Variants in TMPRSS2 observed in about 807,000 individuals in gnomAD.
TMPRSS2 encodes the protein transmembrane serine protease 2.
A neutral mutation model predicts 67.4 loss-of-function variants in TMPRSS2; 59 were observed. The observed-to-expected ratio is 0.88, with a 90% CI of 0.71 to 1.09. The LOEUF (loss-of-function observed/expected upper bound fraction) is 1.09, where lower values mean the gene tolerates loss of function less well. Ranked by LOEUF, TMPRSS2 falls within the 50% of genes least tolerant of loss-of-function variation. TMPRSS2 has a pLI of 0.00. For synonymous variants in TMPRSS2, 257 were observed against 257.0 expected, an observed-to-expected ratio of 1.00 and a Z score of 0.00; for missense variants, 668 against 642.7, an observed-to-expected ratio of 1.04 and a Z score of -0.43.
intron 7 of TMPRSS2, among the ~76,000 whole-genome samples, chr21:41,477,717 G>GAA (rs1432907786): frequency 6.6e-6 from 1 of 152,088 alleles, no homozygotes; most frequent in Non-Finnish European, 1.5e-5. Flanking sequence ...TCCCCTTTAA[G>GAA]AGAAGACATT....
chr21:41,486,440 T>C (rs383510), intron 5 of TMPRSS2: 86,775 of 151,984 alleles, frequency 0.57, 25,173 homozygotes, highest in East Asian at 0.66. Flanking sequence ...GCTGGGACTA[T>C]AGGCCCGCAC....
At chr21:41,477,108 T>A (rs1318361598) in intron 7 of TMPRSS2, among the ~76,000 whole-genome samples, 2 of 152,168 alleles carry the variant, frequency 1.3e-5, no homozygotes, top group Non-Finnish European at 2.9e-5. Flanking sequence ...AGGTTATGGA[T>A]GAAGAGGAAG....
Position 41,478,470 on chromosome 21 carries a change from C to G in TMPRSS2, c.683+702G>C, listed in dbSNP as rs2091232755. 6.6e-6 allele frequency among the ~76,000 whole-genome samples: 1 copy of G among 152,220 alleles called. No individual in the cohort carries two copies. ...ATCTTTCACATCAGAAAACACATAA[C>G]AGCAACAATCATAGCAAGTCTGCAA... is the stretch of plus-strand genomic sequence containing the variant. On this transcript the variant is annotated intron_variant, in intron 7 of 13. Transcript: ENST00000332149. The surrounding 1 kb of genome is among the most constrained non-coding windows in gnomAD (Gnocchi z 4.0).
At chr21:41,500,029 TTCC>T (rs1294273348) in intron 1 of TMPRSS2, among the ~76,000 whole-genome samples, 1 of 152,138 alleles carries the variant, frequency 6.6e-6, no homozygotes, top group Non-Finnish European at 1.5e-5. Context: ...AGAAGAATAT[TTCC>T]CAGTTGCTGG....
At chr21:41,485,695 C>T (rs903396945) in intron 5 of TMPRSS2, among the ~76,000 whole-genome samples, 2 of 151,720 alleles carry the variant, frequency 1.3e-5, no homozygotes, top group Admixed American at 6.6e-5. Flanking sequence ...AGCCATTCCA[C>T]GTGCTATCTT....
At chr21:41,494,268 C>A in intron 3 of TMPRSS2, 88 bp downstream of exon 3, 1 of 1,384,164 alleles carries the variant, frequency 7.2e-7, no homozygotes, top group Non-Finnish European at 1.0e-6. Context: ...GAGGTGGCGA[C>A]AGTGGTGTTG....
intron 4 of TMPRSS2, 68 bp from the exon 5 acceptor site, chr21:41,488,581 A>C: frequency 6.6e-7 from 1 of 1,516,390 alleles, no homozygotes; most frequent in Non-Finnish European, 9.0e-7. Flanking sequence ...TGGAGTGAGG[A>C]ACACCGTGGC....
Position 41,471,921 on chromosome 21 carries a change from C to T in TMPRSS2, c.960G>A (p.Met320Ile). 1 of 1,613,322 alleles carries T rather than the reference C, an allele frequency of 6.2e-7. No homozygotes were observed. The highest frequency in any genetic ancestry group is 1.7e-5 in the Admixed American group (1 of 59,964). ...CTACTTGGTATCCGGCTCCATAGAACATGAAAGATTGTCTCAAAATCCCCG... is the reference window on the plus strand; with the variant it reads ...CTACTTGGTATCCGGCTCCATAGAATATGAAAGATTGTCTCAAAATCCCCG... ...AFAGILRQSF[M>I]FYGAGYQVEK... The change falls in exon 10 of 14, where the codon ATG (methionine) becomes ATA (isoleucine). Residue 320 changes from methionine (M) to isoleucine (I), a missense_variant. Transcript: ENST00000332149.
chr21:41,500,776 T>C (rs1292136117), intron 1 of TMPRSS2, among the ~76,000 whole-genome samples: 1 of 152,212 alleles, frequency 6.6e-6, no homozygotes, highest in Non-Finnish European at 1.5e-5. Flanking sequence ...TCAAAAACGT[T>C]TAAGCCTTTT....
At chr21:41,480,636 T>C (rs1282617069) in intron 5 of TMPRSS2, 34 bp from the exon 6 acceptor site, 2 of 1,605,124 alleles carry the variant, frequency 1.2e-6, no homozygotes, top group South Asian at 1.1e-5. Context: ...ATGAGTTTCT[T>C]TCTTTTTTTT....
chr21:41,498,218 A>T, intron 1 of TMPRSS2, 29 bp from the exon 2 acceptor site: 6 of 1,431,656 alleles, frequency 4.2e-6, no homozygotes, highest in Non-Finnish European at 5.9e-6. Flanking sequence ...GGACTGTAAT[A>T]TTTCCATACC....
rs764043495 is a variant in TMPRSS2 at position 41,480,499 on chromosome 21, C to T, written c.549G>A (p.Ala183=). ...ACTTATAGCCCATGTCCCTGCAGGC[C>T]GCCCGCCCGTAGTTCTCGTTCCAGT... ...QDDWNENYGR[A]ACRDMGYKNN... is the part of the protein sequence containing the mutation. The change falls in exon 6 of 14, where the codon GCG becomes GCA. Residue 183 remains alanine, a synonymous_variant. Transcript: ENST00000332149. 14 of 1,613,536 alleles carry T rather than the reference C, an allele frequency of 8.7e-6. No homozygotes were observed. The highest frequency in any genetic ancestry group is 6.7e-5 in the Admixed American group (4 of 60,008).
chr21:41,501,298 G>C (rs1291013069), intron 1 of TMPRSS2, among the ~76,000 whole-genome samples: 1 of 152,176 alleles, frequency 6.6e-6, no homozygotes, highest in Non-Finnish European at 1.5e-5. Context: ...GAAGACCAGA[G>C]TGATGCTGCC....
At chr21:41,487,415 G>C (rs2091306683) in intron 5 of TMPRSS2, 1 of 152,160 alleles carries the variant, frequency 6.6e-6, no homozygotes, top group Non-Finnish European at 1.5e-5. Flanking sequence ...GGGAGATGTT[G>C]GTCAGAGGTC....
chr21:41,475,447 G>T (rs1238689070), intron 8 of TMPRSS2, among the ~76,000 whole-genome samples: 2 of 33,578 alleles, frequency 6.0e-5, no homozygotes, highest in Non-Finnish European at 1.1e-4. Context: ...TGAGTGAGGG[G>T]GTGCAGGGGT....
intron 2 of TMPRSS2, among the ~76,000 whole-genome samples, chr21:41,497,516 T>C (rs779432088): frequency 3.3e-5 from 5 of 152,088 alleles, no homozygotes; most frequent in Non-Finnish European, 7.4e-5. Context: ...ACAGACCCAG[T>C]AAAAAATGAA....
chr21:41,508,148 C>CGGAG lies in TMPRSS2; in HGVS notation c.-125_-124insCTCC, dbSNP rs2091472515. ...CTCCGCCTCCGCCTCCTGCTTAGCT[C>CGGAG]GCGCCTACTCGGCCCGGCCCGCCCT... On this transcript the variant is annotated 5_prime_UTR_variant, in exon 1 of 14. Transcript: ENST00000332149. 1 of 767,840 alleles carries CGGAG rather than the reference C, an allele frequency of 1.3e-6. No individual in the cohort carries two copies. The highest frequency in any genetic ancestry group is 4.4e-5 in the Admixed American group (1 of 22,862). The allele number at this position is 767,840 out of a possible 1,614,324, so 47.6% of individuals were successfully genotyped here.
chr21:41,494,098 G>A (rs1472347512), intron 3 of TMPRSS2, among the ~76,000 whole-genome samples: 1 of 152,228 alleles, frequency 6.6e-6, no homozygotes, highest in Non-Finnish European at 1.5e-5. Context: ...GAGTAGAACA[G>A]GCAAAGCTGT....
At position 41,485,001 on chromosome 21, in the gene TMPRSS2, T is replaced by C. The variant is rs2091285016; in HGVS notation, c.445+3393A>G. 3.3e-5 allele frequency among the ~76,000 whole-genome samples: 5 copies of C among 151,826 alleles called. No homozygotes were observed. In the South Asian group the frequency reaches 1.0e-3, roughly 32 times the overall value. On this transcript the variant is annotated intron_variant, in intron 5 of 13. Transcript: ENST00000332149. ...TGTGCTTCTTTATGCAAAAACTCTC[T>C]GGAAAGAGAAGCAACTCAGATGAGT...
Sources: gnomAD v4.1 joint callset for allele counts (sites outside exome capture counted in the v4.1 genomes callset) on GRCh38, gnomAD v4.1.1 for gene constraint, Gnocchi (gnomAD v3.1) non-coding constraint, MANE v1.5 for transcripts, NCBI Gene and HGNC (gene_info 2026-07-23, HGNC 2026-07-21) for gene names.